Variants in ZNF831 observed in about 807,000 individuals in gnomAD.
ZNF831 encodes the protein zinc finger protein 831.
Under a neutral mutation model 95.8 loss-of-function variants are expected in ZNF831, and 59 were observed. The observed-to-expected ratio is 0.62, with a 90% CI of 0.50 to 0.77. The LOEUF (loss-of-function observed/expected upper bound fraction) is 0.77, where lower values mean the gene tolerates loss of function less well. Ranked by LOEUF, ZNF831 falls within the 30% of genes least tolerant of loss-of-function variation. The pLI is 0.00. For missense variants in ZNF831, 2,205 were observed against 2,164.0 expected, an observed-to-expected ratio of 1.02 and a Z score of -0.38; for synonymous variants, 961 against 925.5, an observed-to-expected ratio of 1.04 and a Z score of -0.70.
At position 59,194,254 on chromosome 20, in the gene ZNF831, T is replaced by C. The variant is rs895983186; in HGVS notation, c.3235T>C (p.Cys1079Arg). Residue 1079 changes from cysteine (C) to arginine (R), a missense_variant, in exon 2 of 6, where the codon TGC (cysteine) becomes CGC (arginine). Cys to Arg is a radical substitution (Grantham distance 180). Transcript: ENST00000371030. Reference sequence around the variant, plus strand: ...TGACAGCCACCGTATCCATCGCCTCTGCATGGGCAGCACTTTGGCAAGGGC... The same window carrying C: ...TGACAGCCACCGTATCCATCGCCTCCGCATGGGCAGCACTTTGGCAAGGGC... ...EGDSHRIHRL[C>R]MGSTLARARL... 6.2e-7 allele frequency: 1 copy of C among 1,614,030 alleles called. No homozygotes were observed. The highest frequency in any genetic ancestry group is 1.7e-5 in the Admixed American group (1 of 60,018).
chr20:59,231,485 G>A (rs1178264160), intron 4 of ZNF831, among the ~76,000 whole-genome samples: 2 of 152,052 alleles, frequency 1.3e-5, no homozygotes, highest in African/African-American at 4.8e-5. Flanking sequence ...ATTCATTATT[G>A]TGCTCCCCAG....
chr20:59,174,232 G>A (rs1168266792), intron 1 of ZNF831, among the ~76,000 whole-genome samples: 1 of 152,188 alleles, frequency 6.6e-6, no homozygotes, highest in Non-Finnish European at 1.5e-5. Context: ...GCTTTACGCG[G>A]CTTTAGTTTC....
chr20:59,152,891 G>A (rs1019147571), intron 2 of ZNF831, among the ~76,000 whole-genome samples: 1 of 152,158 alleles, frequency 6.6e-6, no homozygotes, highest in African/African-American at 2.4e-5. Context: ...CTAGGTGGAG[G>A]ACATTACTTT....
At chr20:59,186,877 G>T (rs1983090706) in intron 1 of ZNF831, among the ~76,000 whole-genome samples, 1 of 151,896 alleles carries the variant, frequency 6.6e-6, no homozygotes, top group Admixed American at 6.6e-5. Context: ...TGGGTGCAAT[G>T]GTCTTCTGGG....
At chr20:59,250,740 G>A (rs1015377247) in intron 4 of ZNF831, among the ~76,000 whole-genome samples, 3 of 151,922 alleles carry the variant, frequency 2.0e-5, no homozygotes, top group Non-Finnish European at 4.4e-5. Context: ...AAAGAACATG[G>A]GAAAGAACTC....
intron 2 of ZNF831, among the ~76,000 whole-genome samples, chr20:59,157,203 C>T (rs1980589870): frequency 1.3e-5 from 2 of 152,232 alleles, no homozygotes; most frequent in Admixed American, 6.5e-5. Context: ...TAACCATCCC[C>T]ACTTTCCCGC....
intron 5 of ZNF831, 36 bp from the exon 6 acceptor site, chr20:59,253,862 C>CCA: frequency 1.9e-6 from 2 of 1,070,940 alleles, no homozygotes; most frequent in Non-Finnish European, 2.5e-6. Flanking sequence ...ATTAACCTCC[C>CCA]CCCCCACTTT....
intron 2 of ZNF831, among the ~76,000 whole-genome samples, chr20:59,158,392 A>T (rs1245683553): frequency 6.6e-6 from 1 of 152,216 alleles, no homozygotes; most frequent in Non-Finnish European, 1.5e-5. Flanking sequence ...TGTGCTGCAC[A>T]GGGAGAGGGG....
intron 1 of ZNF831, among the ~76,000 whole-genome samples, chr20:59,134,301 G>C (rs531666291): frequency 6.6e-6 from 1 of 152,100 alleles, no homozygotes; most frequent in South Asian, 2.1e-4. Context: ...GTCCTTGTTC[G>C]GTTATTTTCT....
At chr20:59,181,903 G>A (rs1411346988) in intron 1 of ZNF831, among the ~76,000 whole-genome samples, 2 of 152,066 alleles carry the variant, frequency 1.3e-5, no homozygotes, top group African/African-American at 2.4e-5. Context: ...CATGAGCATG[G>A]AATGTTTTTC....
At chr20:59,133,684 C>G (rs1979415384) in intron 1 of ZNF831, among the ~76,000 whole-genome samples, 1 of 152,152 alleles carries the variant, frequency 6.6e-6, no homozygotes, top group South Asian at 2.1e-4. Context: ...GAAGCACATG[C>G]TGGAGTCCAG....
At chr20:59,195,718 ACTT>A in intron 2 of ZNF831, 148 bp from the exon 3 acceptor site, 2 of 1,458,132 alleles carry the variant, frequency 1.4e-6, no homozygotes, top group Non-Finnish European at 1.8e-6. Flanking sequence ...GCCTGGTTGA[ACTT>A]CTCAGGGGCT....
At chr20:59,207,545 GCA>G (rs958798803) in intron 4 of ZNF831, among the ~76,000 whole-genome samples, 3 of 152,172 alleles carry the variant, frequency 2.0e-5, no homozygotes, top group Non-Finnish European at 4.4e-5. Context: ...GTGGTAAGAG[GCA>G]CACTCTTCAC....
chr20:59,192,605 C>A lies in ZNF831; in HGVS notation c.1586C>A (p.Thr529Lys), dbSNP rs767929048. 5.3e-6 allele frequency: 8 copies of A among 1,504,708 alleles called. No homozygotes were observed. The East Asian group carries it at 1.6e-4, about 31-fold the overall frequency. 93.2% of individuals were successfully genotyped at this position (1,504,708 alleles called of 1,614,324 possible). The stretch of plus-strand genomic sequence containing the variant: ...GAGCCCCGGGACCCCTGGTCCAGGA[C>A]GCAGAAGCCTCTGAGCCCCAGGCCC... ...PREPRDPWSRTQKPLSPRPGP... is the reference protein window; with the variant it reads ...PREPRDPWSRKQKPLSPRPGP... Residue 529 changes from threonine to lysine, a missense_variant, in exon 2 of 6, where the codon ACG (threonine) becomes AAG (lysine). Coordinates refer to ENST00000371030, the MANE Select transcript of ZNF831 (RefSeq NM_178457.3). This position sits in a 1 kb window ranked among gnomAD's most constrained non-coding sequence, Gnocchi z 5.2.
rs1983655600 is a variant in ZNF831 at position 59,192,419 on chromosome 20, C to CT, written c.1400_1401insT (p.Val470ArgfsTer83). 2.5e-6 allele frequency: 4 copies of CT among 1,610,978 alleles called. No homozygotes were observed. The African/African-American group carries it at 5.3e-5, about 22-fold the overall frequency. ...CTGGAGCCAGGCCGTAGGAGGGCCC[C>CT]GGGCCCCGTGCGCTCCACCTGGACG... On this transcript the variant is annotated frameshift_variant, in exon 2 of 6. Coordinates refer to ENST00000371030, the MANE Select transcript of ZNF831 (RefSeq NM_178457.3). LOFTEE classifies it high-confidence loss of function. The surrounding 1 kb of genome is among the most constrained non-coding windows in gnomAD (Gnocchi z 5.2).
chr20:59,249,201 C>T (rs1297228935), intron 4 of ZNF831, among the ~76,000 whole-genome samples: 1 of 152,138 alleles, frequency 6.6e-6, no homozygotes, highest in Admixed American at 6.5e-5. Context: ...GAGAAGTCTT[C>T]CTTGACTATA....
chr20:59,140,502 C>T (rs1412971393), intron 1 of ZNF831, among the ~76,000 whole-genome samples: 2 of 148,098 alleles, frequency 1.4e-5, no homozygotes, highest in East Asian at 3.9e-4. Flanking sequence ...TATTAATATT[C>T]TTCATTTCTG....
intron 1 of ZNF831, among the ~76,000 whole-genome samples, chr20:59,184,123 A>G (rs747590465): frequency 6.6e-5 from 10 of 152,326 alleles, no homozygotes; most frequent in Non-Finnish European, 1.2e-4. Context: ...GAACCACACA[A>G]GACAAAGTCT....
intron 1 of ZNF831, among the ~76,000 whole-genome samples, chr20:59,134,714 C>A (rs1441801932): frequency 6.6e-6 from 1 of 152,244 alleles, no homozygotes. Context: ...CCCAACCTCT[C>A]TGTGCTCATC....
Sources: gnomAD v4.1 joint callset for allele counts (sites outside exome capture counted in the v4.1 genomes callset) on GRCh38, gnomAD v4.1.1 for gene constraint, Gnocchi (gnomAD v3.1) non-coding constraint, MANE v1.5 for transcripts, NCBI Gene and HGNC (gene_info 2026-07-23, HGNC 2026-07-21) for gene names.